Variants in UBA52 observed in about 807,000 individuals in gnomAD.
The protein encoded by UBA52 is ubiquitin-ribosomal protein eL40 fusion protein.
A neutral mutation model predicts 15.3 loss-of-function variants in UBA52; 1 was observed. That is an observed-to-expected ratio of 0.07 (90% CI 0.02 to 0.31). The LOEUF is 0.31. UBA52 is among the 10% of genes least tolerant of loss of function. The probability of loss-of-function intolerance (pLI) is 1.00; values close to 1 mark genes in which losing one functional copy is unlikely to be tolerated. For synonymous variants in UBA52, 50 were observed against 58.3 expected, an observed-to-expected ratio of 0.86 and a Z score of 0.65; for missense variants, 87 against 168.0, an observed-to-expected ratio of 0.52 and a Z score of 2.66.
At position 18,573,665 on chromosome 19, in the gene UBA52, T is replaced by C. The variant is rs1304419055; in HGVS notation, c.107T>C (p.Ile36Thr). The C allele has an allele frequency of 6.2e-7, 1 of 1,613,998 alleles. No homozygotes were observed. Among genetic ancestry groups the C allele is most frequent in the South Asian group, 1.1e-5 (1 of 91,084 alleles). Residue 36 changes from isoleucine to threonine, a missense_variant, in exon 3 of 5, where the codon ATC (isoleucine) becomes ACC (threonine). Coordinates refer to ENST00000442744, the MANE Select transcript of UBA52 (RefSeq NM_001033930.3). ...ACTGAGCCTCCCTCCCCCTCAGGTATCCCACCTGACCAGCAGCGTCTGATA... is the reference window on the plus strand; with the variant it reads ...ACTGAGCCTCCCTCCCCCTCAGGTACCCCACCTGACCAGCAGCGTCTGATA... Reference protein sequence around the residue: ...VKAKIQDKEGIPPDQQRLIFA... With the variant: ...VKAKIQDKEGTPPDQQRLIFA...
In UBA52 at chr19:18,576,519, A is replaced by C. The variant is rs1185212495; in HGVS notation, c.*1369A>C. The C allele has an allele frequency of 6.6e-6, 1 of 152,080 alleles. No homozygotes were observed. The highest frequency in any genetic ancestry group is 1.5e-5 in the Non-Finnish European group (1 of 68,024). 9.4% of individuals were successfully genotyped at this position (152,080 alleles called of 1,614,324 possible). On this transcript the variant is annotated 3_prime_UTR_variant, in exon 5 of 5. Coordinates refer to ENST00000442744, the MANE Select transcript of UBA52 (RefSeq NM_001033930.3). ...CCTTGATCTCCCAGGATCTTGCCTC[A>C]GCCTCCCGAGTAGCTGGGACTGCAT...
upstream of UBA52, among the ~76,000 whole-genome samples, chr19:18,567,544 A>G (rs577383751): frequency 4.6e-5 from 7 of 152,324 alleles, no homozygotes; most frequent in African/African-American, 1.7e-4. Context: ...GATCTGTCCC[A>G]TGTCCAGCTG....
Position 18,573,738 on chromosome 19 carries a change from C to T in UBA52, c.180C>T (p.Asn60=), listed in dbSNP as rs1446676820. 70 of 1,614,170 alleles carry T rather than the reference C, an allele frequency of 4.3e-5. No homozygotes were observed. In the Middle Eastern group the frequency reaches 5.0e-4, roughly 11 times the overall value. ...ATGGCCGCACTCTCTCAGACTACAA[C>T]ATCCAGAAAGGTACCGGGGTTGGGG... The part of the protein sequence containing the change: ...LEDGRTLSDY[N]IQKESTLHLV... The change falls in exon 3 of 5, where the codon AAC becomes AAT. Residue 60 remains asparagine (N), a synonymous_variant. Transcript: ENST00000442744.
At chr19:18,568,626 G>T, upstream of UBA52, 1 of 1,607,694 alleles carries the variant, frequency 6.2e-7, no homozygotes, top group Non-Finnish European at 8.5e-7. Flanking sequence ...GATGACGGGC[G>T]AATAGCCCTG....
rs1975741677 is a variant in UBA52, at chr19:18,575,422, A to T, written c.*272A>T. 1 of 466,408 alleles carries T rather than the reference A, an allele frequency of 2.1e-6. No individual in the cohort carries two copies. 28.9% of individuals were successfully genotyped at this position (466,408 alleles called of 1,614,324 possible). A position where few individuals can be genotyped will look rare whatever the true frequency, so the allele number is the denominator to read the frequency against. ...CTGGATTTGTCATCTGTAAAACTGG[A>T]GTAAAAACCTCAGTCGTGTAATTGG... On this transcript the variant is annotated 3_prime_UTR_variant, in exon 5 of 5. Coordinates refer to ENST00000442744, the MANE Select transcript of UBA52 (RefSeq NM_001033930.3).
chr19:18,574,539 C>T (rs1975683889), intron 3 of UBA52, among the ~76,000 whole-genome samples: 1 of 152,116 alleles, frequency 6.6e-6, no homozygotes, highest in Admixed American at 6.5e-5. Flanking sequence ...CAGGCGTGAG[C>T]CATGGTGCCC....
chr19:18,572,221 G>A (rs1309308558), intron 1 of UBA52: 1 of 152,286 alleles, frequency 6.6e-6, no homozygotes, highest in Non-Finnish European at 1.5e-5. Context: ...CACTGCGTCA[G>A]TCGCTTTGGA....
rs774082003 is a variant in UBA52 at position 18,573,422 on chromosome 19, G to T, written c.103+19G>T. The T allele has an allele frequency of 8.1e-6, 13 of 1,602,946 alleles. No homozygotes were observed. The East Asian group carries it at 2.5e-4, about 30-fold the overall frequency. On this transcript the variant is annotated intron_variant, in intron 2 of 4. Transcript: ENST00000442744. ...AAGGAGGGTGAGTAGGGCTGGGTGTGGGGGCTCTGGCTGTGAACTGGGAGT... is the reference window on the plus strand; with the variant it reads ...AAGGAGGGTGAGTAGGGCTGGGTGTTGGGGCTCTGGCTGTGAACTGGGAGT...
At chr19:18,570,906 C>G (rs1035789848), upstream of UBA52, among the ~76,000 whole-genome samples, 25 of 150,248 alleles carry the variant, frequency 1.7e-4, no homozygotes, top group Admixed American at 1.3e-3. Flanking sequence ...AGGCTCGTCT[C>G]GAACTCCCGA....
upstream of UBA52, chr19:18,568,329 A>C (rs1346400256): frequency 3.5e-6 from 4 of 1,130,718 alleles, no homozygotes; most frequent in Non-Finnish European, 5.3e-6. Flanking sequence ...GTTAGGGGTC[A>C]CATGGACAAT....
chr19:18,564,979 T>C, the UBA52 span: 5 of 1,610,708 alleles, frequency 3.1e-6, no homozygotes, highest in Admixed American at 1.7e-5. Context: ...AGGACCCTAG[T>C]AGAGATGAAA....
chr19:18,567,019 T>A (rs1030112963), upstream of UBA52: 8 of 863,660 alleles, frequency 9.3e-6, no homozygotes, highest in African/African-American at 1.3e-4. Context: ...AGTGTGGGGG[T>A]TCTCACTCCC....
Position 18,575,047 on chromosome 19 carries a change from C to T in UBA52, c.294-10C>T. 6.2e-7 allele frequency: 1 copy of T among 1,614,210 alleles called. No homozygotes were observed. The highest frequency in any genetic ancestry group is 8.5e-7 in the Non-Finnish European group (1 of 1,180,028). On this transcript the variant is annotated splice_polypyrimidine_tract_variant and intron_variant, in intron 4 of 4. Coordinates refer to ENST00000442744, the MANE Select transcript of UBA52 (RefSeq NM_001033930.3). The stretch of plus-strand genomic sequence containing the variant: ...GTATGCCCTCACCCACCCCTCCTGT[C>T]TCTGTGCAGGTGCTATGCTCGCCTT...
chr19:18,571,049 G>C (rs371052548), upstream of UBA52, among the ~76,000 whole-genome samples: 44 of 151,156 alleles, frequency 2.9e-4, no homozygotes, highest in East Asian at 5.2e-3. Flanking sequence ...AGTGGCTCAC[G>C]TCTGTAATCC....
At chr19:18,573,426 G>T in intron 2 of UBA52, 23 bp downstream of exon 2, 1 of 1,596,820 alleles carries the variant, frequency 6.3e-7, no homozygotes, top group Non-Finnish European at 8.6e-7. Flanking sequence ...GGGTGTGGGG[G>T]CTCTGGCTGT....
the UBA52 span, among the ~76,000 whole-genome samples, chr19:18,565,829 AGGC>A: frequency 6.6e-6 from 1 of 152,154 alleles, no homozygotes; most frequent in Non-Finnish European, 1.5e-5. Context: ...CTGGGACTAC[AGGC>A]GCATGCTGCC....
chr19:18,565,214 A>G, the UBA52 span: 1 of 1,351,150 alleles, frequency 7.4e-7, no homozygotes, highest in Non-Finnish European at 9.6e-7. Flanking sequence ...CTGATTGATT[A>G]ATTGATCGAG....
At chr19:18,568,882 G>A (rs1260556266), upstream of UBA52, 9 of 522,250 alleles carry the variant, frequency 1.7e-5, no homozygotes, top group Non-Finnish European at 2.7e-5. Context: ...GCCCATTCCA[G>A]CTGGAGTCGT....
chr19:18,568,351 C>G (rs1187055985), upstream of UBA52: 4 of 1,398,094 alleles, frequency 2.9e-6, no homozygotes, highest in Admixed American at 1.7e-5. Context: ...AGTCCTACAT[C>G]ACAGAGCTTG....
Sources: gnomAD v4.1 joint callset for allele counts (sites outside exome capture counted in the v4.1 genomes callset) on GRCh38, gnomAD v4.1.1 for gene constraint, MANE v1.5 for transcripts, NCBI Gene and HGNC (gene_info 2026-07-23, HGNC 2026-07-21) for gene names.